The following ROBO1 variants were observed in gnomAD, a reference collection of about 807,000 sequenced individuals.
ROBO1 encodes the protein roundabout homolog 1.
In ROBO1, 149 loss-of-function variants were observed where a neutral mutation model predicts 195.9. That is an observed-to-expected ratio of 0.76 (90% CI 0.67 to 0.87). ROBO1 has a LOEUF of 0.87. Among genes scored for constraint, ROBO1 ranks in the 40% least tolerant of loss-of-function variants. The pLI is 0.00. For synonymous variants in ROBO1, 816 were observed against 733.2 expected (o/e 1.11, Z -1.82); for missense variants, 1,933 against 2,068.3 (o/e 0.93, Z 1.27).
At chr3:79,665,607 G>A (rs1946454900) in intron 1 of ROBO1, among the ~76,000 whole-genome samples, 1 of 151,832 alleles carries the variant, frequency 6.6e-6, no homozygotes, top group Non-Finnish European at 1.5e-5. Flanking sequence ...TGTAAAATAT[G>A]ATGCAGTGGT....
At chr3:78,974,961 T>A (rs2076853225) in intron 3 of ROBO1, among the ~76,000 whole-genome samples, 1 of 152,102 alleles carries the variant, frequency 6.6e-6, no homozygotes, top group African/African-American at 2.4e-5. Flanking sequence ...TGTTCAATAA[T>A]TTTTTCCCCA....
intron 25 of ROBO1, 39 bp downstream of exon 25, chr3:78,631,122 A>C: frequency 6.3e-7 from 1 of 1,585,980 alleles, no homozygotes; most frequent in Non-Finnish European, 8.6e-7. Context: ...TGAAACAATC[A>C]TATTACACTG....
At chr3:78,706,557 GT>G (rs1329494319) in intron 8 of ROBO1, among the ~76,000 whole-genome samples, 1 of 151,960 alleles carries the variant, frequency 6.6e-6, no homozygotes, top group Non-Finnish European at 1.5e-5. Context: ...GCTTAGGCTG[GT>G]CTCGAACTCC....
intron 2 of ROBO1, among the ~76,000 whole-genome samples, chr3:79,211,139 A>T (rs895511676): frequency 1.3e-5 from 2 of 151,934 alleles, no homozygotes; most frequent in East Asian, 1.9e-4. Context: ...TAATTAAAGA[A>T]TTTTTTTAGT....
intron 1 of ROBO1, among the ~76,000 whole-genome samples, chr3:79,642,599 T>C (rs1202507953): frequency 6.6e-6 from 1 of 152,124 alleles, no homozygotes; most frequent in Non-Finnish European, 1.5e-5. Flanking sequence ...CCATATAGAC[T>C]AAGAAGAAGT....
rs146980764 is a variant in ROBO1 at position 79,278,747 on chromosome 3, C to T, written c.89-153208G>A. Among the ~76,000 whole-genome samples the T allele has an allele frequency of 4.6e-3, 692 of 152,066 alleles. 12 individuals carry two copies. The highest frequency in any genetic ancestry group is 3.6e-3 in the Non-Finnish European group (246 of 67,974). On this transcript the variant is annotated intron_variant, in intron 2 of 30. Coordinates refer to ENST00000464233, the MANE Select transcript of ROBO1 (RefSeq NM_002941.4). ...AAAACAACAAAACTGCAGAAGAAAACATACGGGAAATGCTTCAGAACATTG... is the reference window on the plus strand; with the variant it reads ...AAAACAACAAAACTGCAGAAGAAAATATACGGGAAATGCTTCAGAACATTG...
At position 78,597,792 on chromosome 3, in the gene ROBO1, T is replaced by C. The variant is rs7626143; in HGVS notation, c.*1121A>G. 6.6e-6 allele frequency: 1 copy of C among 152,396 alleles called. No homozygotes were observed. The highest frequency in any genetic ancestry group is 1.5e-5 in the Non-Finnish European group (1 of 67,976). 9.4% of individuals were successfully genotyped at this position (152,396 alleles called of 1,614,324 possible). A position where few individuals can be genotyped will look rare whatever the true frequency, so the allele number is the denominator to read the frequency against. Reference sequence around the variant, plus strand: ...GCCCACAATAAAGTATGCATGTTACTTCACCATCTGTCATTATTCAAATAT... The same window carrying C: ...GCCCACAATAAAGTATGCATGTTACCTCACCATCTGTCATTATTCAAATAT... On this transcript the variant is annotated 3_prime_UTR_variant, in exon 31 of 31. Coordinates refer to ENST00000464233, the MANE Select transcript of ROBO1 (RefSeq NM_002941.4).
At chr3:79,087,054 A>G (rs183796973) in intron 3 of ROBO1, among the ~76,000 whole-genome samples, 1 of 152,178 alleles carries the variant, frequency 6.6e-6, no homozygotes, top group East Asian at 1.9e-4. Context: ...AAAATTATAA[A>G]AATAATCATA....
At chr3:79,229,216 T>A (rs1451987902) in intron 2 of ROBO1, among the ~76,000 whole-genome samples, 2 of 152,178 alleles carry the variant, frequency 1.3e-5, no homozygotes, top group African/African-American at 2.4e-5. Context: ...ATTTTAATAA[T>A]GTTTGGTAGA....
rs10558820 is a variant in ROBO1, at chr3:78,718,782, A to AGAAG, written c.658-903_658-900dup. On this transcript the variant is annotated intron_variant, in intron 5 of 30. Transcript: ENST00000464233. ...TCATAGTTACCAACCAGATAAAGGA[A>AGAAG]GAAGGAAGGAAGGAAGGAAGGAAGG... 6.8e-4 allele frequency among the ~76,000 whole-genome samples: 78 copies of AGAAG among 115,222 alleles called. 1 individual carries two copies. The highest frequency in any genetic ancestry group is 2.1e-3 in the East Asian group (8 of 3,834). 75.6% of individuals were successfully genotyped at this position (115,222 alleles called of 152,430 possible).
At chr3:78,954,277 T>C (rs1330255042) in intron 3 of ROBO1, among the ~76,000 whole-genome samples, 5 of 152,064 alleles carry the variant, frequency 3.3e-5, no homozygotes, top group African/African-American at 9.7e-5. Context: ...ATTGCAAATA[T>C]ATCCACTGAG....
At chr3:79,089,674 G>A (rs1447874927) in intron 3 of ROBO1, among the ~76,000 whole-genome samples, 1 of 152,088 alleles carries the variant, frequency 6.6e-6, no homozygotes, top group African/African-American at 2.4e-5. Flanking sequence ...TTCTCAGGAA[G>A]ATTACATACT....
chr3:79,147,577 G>A (rs746306615), intron 2 of ROBO1, among the ~76,000 whole-genome samples: 7 of 151,948 alleles, frequency 4.6e-5, no homozygotes, highest in Non-Finnish European at 1.0e-4. Context: ...GTGTTAGGGA[G>A]ACCAGCCAGC....
intron 1 of ROBO1, among the ~76,000 whole-genome samples, chr3:79,597,500 A>AT: frequency 6.6e-6 from 1 of 152,124 alleles, no homozygotes; most frequent in East Asian, 1.9e-4. Context: ...ACATTCTATT[A>AT]TTTTTCATAT....
chr3:79,602,542 T>A (rs1944368388), intron 1 of ROBO1, among the ~76,000 whole-genome samples: 1 of 152,010 alleles, frequency 6.6e-6, no homozygotes, highest in African/African-American at 2.4e-5. Context: ...GATAAACACC[T>A]AATTACTAAC....
intron 2 of ROBO1, among the ~76,000 whole-genome samples, chr3:79,251,459 T>G (rs148673743): frequency 1.3e-5 from 2 of 152,098 alleles, no homozygotes; most frequent in East Asian, 3.9e-4. Flanking sequence ...GCATTAAAAA[T>G]TTAGGTGACC....
chr3:79,726,303 A>T (rs764673278), intron 1 of ROBO1, among the ~76,000 whole-genome samples: 1 of 152,164 alleles, frequency 6.6e-6, no homozygotes, highest in Non-Finnish European at 1.5e-5. Context: ...GCCCTCCTCC[A>T]ACCCCATCTA....
At chr3:79,181,925 CAAAAAAA>C (rs151309857) in intron 2 of ROBO1, among the ~76,000 whole-genome samples, 10 of 87,634 alleles carry the variant, frequency 1.1e-4, no homozygotes, top group Non-Finnish European at 1.5e-4. Flanking sequence ...GATCTTGTGC[CAAAAAAA>C]AAAAAAAAAA....
At chr3:79,310,974 T>G (rs2033458557) in intron 2 of ROBO1, among the ~76,000 whole-genome samples, 1 of 152,220 alleles carries the variant, frequency 6.6e-6, no homozygotes, top group Admixed American at 6.5e-5. Flanking sequence ...TCACATTTGT[T>G]TCCAGAAACC....
Sources: gnomAD v4.1 joint callset for allele counts (sites outside exome capture counted in the v4.1 genomes callset) on GRCh38, gnomAD v4.1.1 for gene constraint, MANE v1.5 for transcripts, NCBI Gene and HGNC (gene_info 2026-07-23, HGNC 2026-07-21) for gene names.